Variants in TGIF1 observed in about 807,000 individuals in gnomAD.
TGIF1 encodes the protein TGFB induced factor homeobox 1, also known as homeobox protein TGIF1.
A neutral mutation model predicts 19.3 loss-of-function variants in TGIF1; 4 were observed. The observed-to-expected ratio is 0.21, with a 90% CI of 0.10 to 0.47. The LOEUF (loss-of-function observed/expected upper bound fraction) is 0.47. TGIF1 is among the 20% of genes least tolerant of loss of function. The pLI, the probability that TGIF1 is intolerant of heterozygous loss-of-function variation, is 0.98. For missense variants in TGIF1, 275 were observed against 341.4 expected (o/e 0.81, Z 1.53); for synonymous variants, 122 against 129.3 (o/e 0.94, Z 0.38).
chr18:3,435,252 G>C (rs146990806), intron 2 of TGIF1, among the ~76,000 whole-genome samples: 5 of 151,918 alleles, frequency 3.3e-5, no homozygotes, highest in Non-Finnish European at 7.4e-5. Flanking sequence ...GAGTGCAGTG[G>C]TGTGATCTCG....
chr18:3,431,621 T>C (rs1244867517), intron 2 of TGIF1, among the ~76,000 whole-genome samples: 1 of 151,724 alleles, frequency 6.6e-6, no homozygotes, highest in Non-Finnish European at 1.5e-5. Flanking sequence ...AACAAATAAA[T>C]GTAGAAGAAA....
intron 2 of TGIF1, among the ~76,000 whole-genome samples, chr18:3,422,934 C>G (rs991790311): frequency 1.3e-5 from 2 of 152,062 alleles, no homozygotes; most frequent in Non-Finnish European, 2.9e-5. Context: ...CATGATCCAC[C>G]TGCCTCGGCC....
chr18:3,432,378 G>A (rs557702199), intron 2 of TGIF1, among the ~76,000 whole-genome samples: 50 of 152,150 alleles, frequency 3.3e-4, no homozygotes, highest in African/African-American at 1.1e-3. Context: ...ATCCTACATC[G>A]GATCTTAGTC....
At chr18:3,418,137 A>T (rs2082356738) in intron 1 of TGIF1, 1 of 151,932 alleles carries the variant, frequency 6.6e-6, no homozygotes, top group African/African-American at 2.4e-5. Context: ...TGCTGCTGTT[A>T]TCTAGGTTGG....
intron 2 of TGIF1, among the ~76,000 whole-genome samples, chr18:3,430,650 C>T (rs1171749929): frequency 2.0e-5 from 3 of 151,668 alleles, no homozygotes; most frequent in Admixed American, 6.6e-5. Flanking sequence ...GACTACAGGC[C>T]CATGCCACCA....
At chr18:3,438,033 G>A (rs140803220) in intron 2 of TGIF1, among the ~76,000 whole-genome samples, 19 of 151,982 alleles carry the variant, frequency 1.3e-4, no homozygotes, top group African/African-American at 4.6e-4. Flanking sequence ...GCAGTGAGCC[G>A]AGATCACGCC....
At chr18:3,453,899 AC>A (rs2083078087) in intron 1 of TGIF1, 1 of 950,304 alleles carries the variant, frequency 1.1e-6, no homozygotes, top group Non-Finnish European at 1.3e-6. Flanking sequence ...TAACCGGGAA[AC>A]TTTTCAAAAG....
intron 2 of TGIF1, among the ~76,000 whole-genome samples, chr18:3,424,120 C>T (rs1357436416): frequency 6.6e-6 from 1 of 152,070 alleles, no homozygotes; most frequent in Non-Finnish European, 1.5e-5. Context: ...ACTCAAGCTG[C>T]GACCTAATTA....
chr18:3,452,305 G>C, intron 1 of TGIF1: 1 of 1,612,760 alleles, frequency 6.2e-7, no homozygotes, highest in Non-Finnish European at 8.5e-7. Context: ...CGGCCGCATC[G>C]GTGGGAACTT....
At chr18:3,428,857 C>T (rs7238991) in intron 2 of TGIF1, among the ~76,000 whole-genome samples, 5,548 of 152,110 alleles carry the variant, frequency 0.036, 354 homozygotes, top group African/African-American at 0.13. Flanking sequence ...GCCTGGGCAA[C>T]ACGGTGAAAC....
At chr18:3,452,585 C>A (rs2083009813) in intron 1 of TGIF1, among the ~76,000 whole-genome samples, 1 of 152,080 alleles carries the variant, frequency 6.6e-6, no homozygotes, top group African/African-American at 2.4e-5. Flanking sequence ...CTAACTCGTG[C>A]AGTGTGCGGG....
chr18:3,452,210 C>T (rs777683230), intron 1 of TGIF1: 4 of 1,591,936 alleles, frequency 2.5e-6, no homozygotes, highest in Non-Finnish European at 8.6e-7. Context: ...TCCTGGGGTC[C>T]TCCTGCGCCC....
At chr18:3,429,709 ACAAT>A (rs1878074783) in intron 2 of TGIF1, among the ~76,000 whole-genome samples, 2 of 152,238 alleles carry the variant, frequency 1.3e-5, no homozygotes, top group Non-Finnish European at 2.9e-5. Context: ...GTTAAAAAAC[ACAAT>A]CAAAGTACAA....
At position 3,457,438 on chromosome 18, in the gene TGIF1, A is replaced by G; in HGVS notation, c.317A>G (p.Asn106Ser). ...DMLRKDGKDP[N>S]QFTISRRGAK... ...CTGAGAAAGGATGGCAAAGATCCAA[A>G]TCAGTTCACAATTTCCCGCCGTGGG... Residue 106 changes from asparagine to serine, a missense_variant, in exon 3 of 3, where the codon AAT becomes AGT. Physicochemically the swap from Asn to Ser is conservative, Grantham distance 46. Transcript: ENST00000343820. The surrounding 1 kb of genome is among the most constrained non-coding windows in gnomAD (Gnocchi z 4.9). The G allele has an allele frequency of 6.2e-7, 1 of 1,614,196 alleles. No individual in the cohort carries two copies. Among genetic ancestry groups the G allele is most frequent in the South Asian group, 1.1e-5 (1 of 91,090 alleles).
Position 3,457,171 on chromosome 18 carries a change from G to A in TGIF1, c.244-194G>A. On this transcript the variant is annotated intron_variant, in intron 2 of 2. Transcript: ENST00000343820. This position sits in a 1 kb window ranked among gnomAD's most constrained non-coding sequence, Gnocchi z 4.9. ...AGGAAATTTGTATTAGAAACTAGAA[G>A]GCTTATGACAGGTGGTAGCTTGCTT... is the stretch of plus-strand genomic sequence containing the variant. The A allele has an allele frequency of 1.5e-6, 1 of 663,000 alleles. No individual in the cohort carries two copies. Among genetic ancestry groups the A allele is most frequent in the Non-Finnish European group, 2.6e-6 (1 of 390,316 alleles). 41.1% of individuals were successfully genotyped at this position (663,000 alleles called of 1,614,324 possible).
intron 2 of TGIF1, among the ~76,000 whole-genome samples, chr18:3,443,310 G>T (rs186754284): frequency 5.9e-5 from 9 of 152,218 alleles, no homozygotes; most frequent in Admixed American, 5.2e-4. Flanking sequence ...CAGAATATTA[G>T]TATTGTTTAG....
chr18:3,433,544 C>G (rs147825114), intron 2 of TGIF1, among the ~76,000 whole-genome samples: 1 of 152,052 alleles, frequency 6.6e-6, no homozygotes, highest in African/African-American at 2.4e-5. Flanking sequence ...TATGAAAAAC[C>G]TAGAATAGTC....
chr18:3,454,078 C>T (rs889498100), intron 1 of TGIF1, among the ~76,000 whole-genome samples: 1 of 152,172 alleles, frequency 6.6e-6, no homozygotes, highest in Non-Finnish European at 1.5e-5. Flanking sequence ...GTCTTAACTT[C>T]CTGTTACTTC....
At chr18:3,447,857 C>T (rs1163596480), upstream of TGIF1, 33 of 1,590,090 alleles carry the variant, frequency 2.1e-5, no homozygotes, top group Admixed American at 4.0e-4. Flanking sequence ...CAATTGTCTC[C>T]GCCCCTCCCC....
Sources: allele counts gnomAD v4.1 joint callset (sites outside exome capture counted in the v4.1 genomes callset), GRCh38; gene constraint gnomAD v4.1.1; non-coding constraint Gnocchi (gnomAD v3.1); transcripts MANE v1.5; gene names NCBI Gene and HGNC (gene_info 2026-07-23, HGNC 2026-07-21).